Variants in ASL observed in about 807,000 individuals in gnomAD.
ASL encodes argininosuccinate lyase.
ASL carries 51 observed loss-of-function variants against 69.1 expected under a neutral mutation model. The observed-to-expected ratio is 0.74, with a 90% CI of 0.59 to 0.93. The LOEUF is 0.93. Among genes scored for constraint, ASL ranks in the 40% least tolerant of loss-of-function variants. The probability of loss-of-function intolerance (pLI) is 0.00; values close to 1 mark genes in which losing one functional copy is unlikely to be tolerated. For synonymous variants in ASL, 241 were observed against 247.6 expected (o/e 0.97, Z 0.25); for missense variants, 540 against 623.9 (o/e 0.87, Z 1.43).
Position 66,089,173 on chromosome 7 carries a change from C to A in ASL, c.916C>A (p.Arg306=). ...IRSKAGRVFG[R]CAGLLMTLKG... ...GAGCAAGGCTGGGCGTGTGTTTGGG[C>A]GGGTGAGCAAGGCAGGGGGAGGGGC... The change falls in exon 12 of 17, where the codon CGG becomes AGG. Residue 306 remains arginine, a splice_region_variant and synonymous_variant. Transcript: ENST00000304874. The A allele has an allele frequency of 6.7e-7, 1 of 1,494,278 alleles. No individual in the cohort carries two copies. Among genetic ancestry groups the A allele is most frequent in the Non-Finnish European group, 9.2e-7 (1 of 1,083,226 alleles). 92.6% of individuals were successfully genotyped at this position (1,494,278 alleles called of 1,614,324 possible). A position where few individuals can be genotyped will look rare whatever the true frequency, so the allele number is the denominator to read the frequency against.
chr7:66,082,106 G>A (rs1786521480), intron 3 of ASL, 109 bp downstream of exon 3: 2 of 1,356,876 alleles, frequency 1.5e-6, no homozygotes, highest in Non-Finnish European at 2.1e-6. Flanking sequence ...GTTTCACATT[G>A]AACTAATTAT....
At position 66,092,836 on chromosome 7, in the gene ASL, T is replaced by C. The variant is rs752915686; in HGVS notation, c.1319T>C (p.Leu440Pro). Residue 440 changes from leucine to proline, a missense_variant, in exon 17 of 17, where the codon CTG (leucine) becomes CCG (proline). Physicochemically the swap from Leu to Pro is moderately conservative, Grantham distance 98 (BLOSUM62 -3). Transcript: ENST00000304874. ...YGHSVEQYGA[L>P]GGTARSSVDW... is the part of the protein sequence containing the mutation. ...CACAGTGTGGAGCAGTATGGTGCCCTGGGCGGCACTGCGCGCTCCAGCGTC... is the reference window on the plus strand; with the variant it reads ...CACAGTGTGGAGCAGTATGGTGCCCCGGGCGGCACTGCGCGCTCCAGCGTC... 3.0e-5 allele frequency: 49 copies of C among 1,613,472 alleles called. 1 individual carries two copies. In the East Asian group the frequency reaches 1.0e-3, roughly 34 times the overall value.
intron 2 of ASL, among the ~76,000 whole-genome samples, chr7:66,078,212 C>T (rs160649): frequency 0.12 from 17,865 of 152,222 alleles, 1,207 homozygotes; most frequent in South Asian, 0.21. Flanking sequence ...AGGCTGGCCC[C>T]AATTCTGACT....
chr7:66,090,873 A>G (rs1786821100), intron 14 of ASL, among the ~76,000 whole-genome samples: 1 of 152,074 alleles, frequency 6.6e-6, no homozygotes, highest in African/African-American at 2.4e-5. Context: ...TAAGGTGGGC[A>G]GATCACTCGA....
intron 5 of ASL, 34 bp from the exon 6 acceptor site, chr7:66,083,043 C>A (rs754432994): frequency 2.2e-5 from 35 of 1,612,212 alleles, no homozygotes; most frequent in Non-Finnish European, 2.7e-5. Flanking sequence ...AGCAACACAT[C>A]GGCCTCCCTG....
chr7:66,081,862 C>T lies in ASL; in HGVS notation c.72C>T (p.Phe24=), dbSNP rs760059034. ...CAGTGGACCCCATCATGGAGAAGTT[C>T]AACGCGTCCATTGCCTACGACCGGC... ...VGAVDPIMEK[F]NASIAYDRHL... The change falls in exon 3 of 17, where the codon TTC becomes TTT. Residue 24 remains phenylalanine, a synonymous_variant. Transcript: ENST00000304874. 1.9e-5 allele frequency: 31 copies of T among 1,613,888 alleles called. No homozygotes were observed. The Admixed American group carries it at 3.7e-4, about 19-fold the overall frequency.
rs1303394917 is a variant in ASL, at chr7:66,086,600, C to T, written c.462C>T (p.Leu154=). 23 of 1,613,746 alleles carry T rather than the reference C, an allele frequency of 1.4e-5. No individual in the cohort carries two copies. The highest frequency in any genetic ancestry group is 1.9e-5 in the Non-Finnish European group (22 of 1,180,030). ...TCTCCCACAGGGAACGTGATGTTCT[C>T]TTCCCGGGGTACACCCATTTGCAGA... ...VDRAEAERDV[L]FPGYTHLQRA... is the part of the protein sequence containing the mutation. The change falls in exon 7 of 17, where the codon CTC becomes CTT. Residue 154 remains leucine, a synonymous_variant. Coordinates refer to ENST00000304874, the MANE Select transcript of ASL (RefSeq NM_000048.4).
At chr7:66,087,662 C>G in intron 9 of ASL, 67 bp from the exon 10 acceptor site, 1 of 1,594,360 alleles carries the variant, frequency 6.3e-7, no homozygotes. Flanking sequence ...GGCTGGGCAA[C>G]CTAGTTGGGG....
intron 14 of ASL, among the ~76,000 whole-genome samples, chr7:66,091,209 A>T (rs1786834926): frequency 6.6e-6 from 1 of 151,892 alleles, no homozygotes; most frequent in East Asian, 1.9e-4. Flanking sequence ...CCCACTCCAG[A>T]TGGCTGAATC....
chr7:66,078,610 C>T (rs867790956), intron 2 of ASL, among the ~76,000 whole-genome samples: 2 of 151,692 alleles, frequency 1.3e-5, no homozygotes, highest in Admixed American at 1.3e-4. Context: ...CAGAGAGGTA[C>T]TATTATTATC....
rs1466295993 is a variant in ASL at position 66,089,628 on chromosome 7, T to C, written c.995T>C (p.Val332Ala). The change falls in exon 14 of 17, where the codon GTG becomes GCG. Residue 332 changes from valine (V) to alanine (A), a missense_variant. Coordinates refer to ENST00000304874, the MANE Select transcript of ASL (RefSeq NM_000048.4). ...GCCTCCCAGGAGGACAAGGAAGCTG[T>C]GTTTGAAGTGTCAGACACTATGAGT... ...NKDLQEDKEA[V>A]FEVSDTMSAV... 7 of 1,613,784 alleles carry C rather than the reference T, an allele frequency of 4.3e-6. No homozygotes were observed. The East Asian group carries it at 1.6e-4, about 36-fold the overall frequency.
intron 2 of ASL, among the ~76,000 whole-genome samples, chr7:66,077,707 C>T (rs550331823): frequency 9.2e-5 from 14 of 152,098 alleles, no homozygotes; most frequent in Non-Finnish European, 1.3e-4. Flanking sequence ...CCAGCCTGGG[C>T]GACAAAGCAA....
intron 12 of ASL, 34 bp from the exon 13 acceptor site, chr7:66,089,242 C>T (rs978132148): frequency 6.2e-7 from 1 of 1,611,048 alleles, no homozygotes. Context: ...GGCAGGATCC[C>T]GGGTCCAGCC....
chr7:66,088,967 A>G, intron 11 of ASL, 46 bp downstream of exon 11: 2 of 1,608,844 alleles, frequency 1.2e-6, no homozygotes, highest in East Asian at 4.5e-5. Context: ...CGGCCTCTGT[A>G]TCCCCCGCCG....
chr7:66,079,722 C>T (rs1313988240), intron 2 of ASL, among the ~76,000 whole-genome samples: 7 of 152,054 alleles, frequency 4.6e-5, no homozygotes, highest in African/African-American at 1.7e-4. Flanking sequence ...CGGGTTCAAG[C>T]GATTCTCCTG....
At chr7:66,084,045 G>A (rs1005451587) in intron 6 of ASL, among the ~76,000 whole-genome samples, 2 of 152,160 alleles carry the variant, frequency 1.3e-5, no homozygotes, top group African/African-American at 2.4e-5. Flanking sequence ...AGACTTGGGG[G>A]AAAACAAGGG....
rs894967634 is a variant in ASL, at chr7:66,088,986, C to T, written c.833+65C>T. The T allele has an allele frequency of 2.5e-6, 4 of 1,606,416 alleles. No homozygotes were observed. The East Asian group carries it at 8.9e-5, about 36-fold the overall frequency. ...CTCTGTATCCCCCGCCGCCCGCGGA[C>T]GTGGCTGCCTTCCTCCCCGTCCCAC... is the stretch of plus-strand genomic sequence containing the variant. On this transcript the variant is annotated intron_variant, in intron 11 of 16. Coordinates refer to ENST00000304874, the MANE Select transcript of ASL (RefSeq NM_000048.4).
At chr7:66,088,968 TC>T in intron 11 of ASL, 47 bp downstream of exon 11, 1 of 1,608,504 alleles carries the variant, frequency 6.2e-7, no homozygotes, top group Non-Finnish European at 8.5e-7. Flanking sequence ...GGCCTCTGTA[TC>T]CCCCGCCGCC....
intron 2 of ASL, among the ~76,000 whole-genome samples, chr7:66,080,254 T>C (rs1190887628): frequency 6.7e-5 from 10 of 149,526 alleles, no homozygotes; most frequent in African/African-American, 2.2e-4. Flanking sequence ...GGCATGGTGG[T>C]GGGCACCTGT....
Sources: allele counts gnomAD v4.1 joint callset (sites outside exome capture counted in the v4.1 genomes callset), GRCh38; gene constraint gnomAD v4.1.1; transcripts MANE v1.5; gene names NCBI Gene and HGNC (gene_info 2026-07-23, HGNC 2026-07-21).